KCNH8: variants seen among roughly 807,000 people sequenced by gnomAD.
The protein encoded by KCNH8 is voltage-gated delayed rectifier potassium channel KCNH8.
Under a neutral mutation model 103.6 loss-of-function variants are expected in KCNH8, and 70 were observed. That is an observed-to-expected ratio of 0.68 (90% CI 0.56 to 0.82). The LOEUF (loss-of-function observed/expected upper bound fraction) is 0.82. KCNH8 is among the 40% of genes least tolerant of loss of function. KCNH8 has a pLI of 0.00. For missense variants in KCNH8, 1,217 were observed against 1,329.9 expected (o/e 0.92, Z 1.32); for synonymous variants, 498 against 489.4 (o/e 1.02, Z -0.23).
intron 2 of KCNH8, among the ~76,000 whole-genome samples, chr3:19,279,048 CAGAG>C (rs1363892213): frequency 6.6e-6 from 1 of 152,110 alleles, no homozygotes; most frequent in Non-Finnish European, 1.5e-5. Context: ...AGGTAATTGA[CAGAG>C]AGGTGCTTTA....
At chr3:19,328,771 A>T (rs912361566) in intron 3 of KCNH8, among the ~76,000 whole-genome samples, 1 of 152,188 alleles carries the variant, frequency 6.6e-6, no homozygotes, top group Non-Finnish European at 1.5e-5. Flanking sequence ...AGAAACTCCT[A>T]ACCGATATTT....
chr3:19,416,909 A>G (rs2066872248), intron 7 of KCNH8, among the ~76,000 whole-genome samples: 2 of 151,986 alleles, frequency 1.3e-5, no homozygotes, highest in South Asian at 4.1e-4. Flanking sequence ...TTCTCCCTGC[A>G]TGTTTCACCC....
intron 1 of KCNH8, among the ~76,000 whole-genome samples, chr3:19,202,350 A>G (rs2063671708): frequency 2.0e-5 from 3 of 152,118 alleles, no homozygotes; most frequent in South Asian, 4.1e-4. Flanking sequence ...AATTTGAACT[A>G]GTAGTTTGTG....
chr3:19,213,911 C>G (rs1480045507), intron 1 of KCNH8, among the ~76,000 whole-genome samples: 2 of 151,590 alleles, frequency 1.3e-5, no homozygotes, highest in Admixed American at 1.3e-4. Context: ...AAGCCTGCAG[C>G]TTCAGCATGG....
At chr3:19,522,266 C>A (rs200513215) in intron 15 of KCNH8, among the ~76,000 whole-genome samples, 2 of 151,832 alleles carry the variant, frequency 1.3e-5, no homozygotes, top group East Asian at 3.9e-4. Context: ...AACTGGAGAA[C>A]CAGGAGATCT....
chr3:19,251,194 T>C (rs1294162225), intron 1 of KCNH8, among the ~76,000 whole-genome samples: 2 of 152,102 alleles, frequency 1.3e-5, no homozygotes, highest in African/African-American at 4.8e-5. Flanking sequence ...ATGCGATCGT[T>C]AAGGACTGGG....
intron 1 of KCNH8, among the ~76,000 whole-genome samples, chr3:19,149,352 G>A (rs1284251059): frequency 6.6e-6 from 1 of 152,036 alleles, no homozygotes; most frequent in South Asian, 2.1e-4. Flanking sequence ...CTAGAATAGC[G>A]TATCTTTTAA....
chr3:19,280,828 G>A (rs560784876), intron 2 of KCNH8, among the ~76,000 whole-genome samples: 1 of 152,116 alleles, frequency 6.6e-6, no homozygotes, highest in East Asian at 1.9e-4. Flanking sequence ...CCAAACAAAG[G>A]TCTTTATTGA....
rs182966798 is a variant in KCNH8 at position 19,152,794 on chromosome 3, G to A, written c.76+3999G>A. Among the ~76,000 whole-genome samples the A allele has an allele frequency of 2.1e-3, 314 of 152,154 alleles. 1 individual carries two copies. Among genetic ancestry groups the A allele is most frequent in the Middle Eastern group, 0.01 (3 of 294 alleles). ...CTACTAAAAATACAAAAATTAGCCG[G>A]GTGTGGCGGCATGCACCTGTAATCC... On this transcript the variant is annotated intron_variant, in intron 1 of 15. Transcript: ENST00000328405.
intron 1 of KCNH8, among the ~76,000 whole-genome samples, chr3:19,252,352 G>T (rs183587995): frequency 1.3e-5 from 2 of 151,570 alleles, no homozygotes; most frequent in East Asian, 1.9e-4. Context: ...TAAGTCTTTT[G>T]TGTTAATATT....
chr3:19,477,821 C>G (rs2068008063), intron 11 of KCNH8, among the ~76,000 whole-genome samples: 1 of 152,142 alleles, frequency 6.6e-6, no homozygotes, highest in Non-Finnish European at 1.5e-5. Context: ...AGATTCCTTA[C>G]ATTCATATAT....
At chr3:19,488,944 G>C (rs1341955486) in intron 11 of KCNH8, among the ~76,000 whole-genome samples, 1 of 152,112 alleles carries the variant, frequency 6.6e-6, no homozygotes, top group Non-Finnish European at 1.5e-5. Flanking sequence ...GAGGCTTTTT[G>C]GTATAAGGTG....
At chr3:19,274,016 C>T (rs983892196) in intron 2 of KCNH8, among the ~76,000 whole-genome samples, 29 of 151,996 alleles carry the variant, frequency 1.9e-4, no homozygotes, top group African/African-American at 6.8e-4. Context: ...TGTATATAAT[C>T]GTGTCCTATA....
chr3:19,402,261 A>G lies in KCNH8; in HGVS notation c.1177+6950A>G, dbSNP rs535718069. 2.0e-5 allele frequency among the ~76,000 whole-genome samples: 3 copies of G among 151,992 alleles called. No homozygotes were observed. In the South Asian group the frequency reaches 6.2e-4, roughly 32 times the overall value. ...ACTCTATTAACATCCTATCCTATGA[A>G]TTTGAAGTTTTAAAAACACACCTTA... is the stretch of plus-strand genomic sequence containing the variant. On this transcript the variant is annotated intron_variant, in intron 7 of 15. Coordinates refer to ENST00000328405, the MANE Select transcript of KCNH8 (RefSeq NM_144633.3).
chr3:19,230,229 G>A (rs186706457), intron 1 of KCNH8, among the ~76,000 whole-genome samples: 26 of 152,274 alleles, frequency 1.7e-4, no homozygotes, highest in Admixed American at 1.4e-3. Flanking sequence ...CATGAGATTT[G>A]GTTGGGGACA....
At chr3:19,318,788 C>G (rs1355786065) in intron 3 of KCNH8, among the ~76,000 whole-genome samples, 3 of 151,512 alleles carry the variant, frequency 2.0e-5, no homozygotes, top group Non-Finnish European at 4.4e-5. Flanking sequence ...AAGGTGTTCC[C>G]TTTTCACCTC....
rs34370450 is a variant in KCNH8 at position 19,148,749 on chromosome 3, G to A, written c.30G>A (p.Pro10=). Residue 10 remains proline (P), a synonymous_variant, in exon 1 of 16, where the codon CCG becomes CCA. Transcript: ENST00000328405. Reference sequence around the variant, plus strand: ...CGGTTATGAAAGGATTACTGGCGCCGCAAAACACCTTCCTGGACACCATCG... The same window carrying A: ...CGGTTATGAAAGGATTACTGGCGCCACAAAACACCTTCCTGGACACCATCG... MPVMKGLLA[P]QNTFLDTIAT... 1.2e-6 allele frequency: 2 copies of A among 1,613,978 alleles called. No individual in the cohort carries two copies. The highest frequency in any genetic ancestry group is 3.3e-5 in the Admixed American group (2 of 60,006).
chr3:19,373,526 G>A (rs1574982210), intron 5 of KCNH8, among the ~76,000 whole-genome samples: 1 of 152,082 alleles, frequency 6.6e-6, no homozygotes, highest in Admixed American at 6.6e-5. Flanking sequence ...CTTGCTAGCG[G>A]TCTATCAGTT....
intron 15 of KCNH8, among the ~76,000 whole-genome samples, chr3:19,525,244 T>C (rs993701185): frequency 6.6e-6 from 1 of 151,808 alleles, no homozygotes; most frequent in African/African-American, 2.4e-5. Flanking sequence ...TTTCAAAATA[T>C]ATTGGGGCTA....
Sources: gnomAD v4.1 joint callset for allele counts (sites outside exome capture counted in the v4.1 genomes callset) on GRCh38, gnomAD v4.1.1 for gene constraint, MANE v1.5 for transcripts, NCBI Gene and HGNC (gene_info 2026-07-23, HGNC 2026-07-21) for gene names.